Variants in SYTL2 observed in about 807,000 individuals in gnomAD.
The protein encoded by SYTL2 is synaptotagmin like 2, also known as synaptotagmin-like protein 2.
A neutral mutation model predicts 198.7 loss-of-function variants in SYTL2; 165 were observed. The ratio of observed to expected loss-of-function variants is 0.83; its 90% CI spans 0.73 to 0.94. The LOEUF is 0.94. SYTL2 is among the 40% of genes least tolerant of loss of function. The pLI is 0.00. For missense variants in SYTL2, 2,835 were observed against 2,582.8 expected (o/e 1.10, Z -2.12); for synonymous variants, 966 against 917.7 (o/e 1.05, Z -0.95).
At position 85,757,852 on chromosome 11, in the gene SYTL2, A is replaced by C; in HGVS notation, c.-127T>G. 1 of 1,419,242 alleles carries C rather than the reference A, an allele frequency of 7.0e-7. No individual in the cohort carries two copies. The highest frequency in any genetic ancestry group is 9.5e-7 in the Non-Finnish European group (1 of 1,051,212). 87.9% of individuals were successfully genotyped at this position (1,419,242 alleles called of 1,614,324 possible). Reference sequence around the variant, plus strand: ...GAAATATCTTGTTCAGTTCTGCATCAAAGTCTTATTTTGGCTCAGCAAAAG... The same window carrying C: ...GAAATATCTTGTTCAGTTCTGCATCCAAGTCTTATTTTGGCTCAGCAAAAG... On this transcript the variant is annotated 5_prime_UTR_variant, in exon 2 of 20. Transcript: ENST00000359152.
chr11:85,709,561 A>G, intron 13 of SYTL2, 61 bp from the exon 14 acceptor site: 1 of 1,484,714 alleles, frequency 6.7e-7, no homozygotes, highest in Admixed American at 1.7e-5. Flanking sequence ...TAGCACAAGG[A>G]TCATGGATAT....
chr11:85,825,818 TCTAAGA>T, the SYTL2 span, among the ~76,000 whole-genome samples: 2 of 152,244 alleles, frequency 1.3e-5, no homozygotes, highest in Non-Finnish European at 2.9e-5. Flanking sequence ...TCTTAACTTC[TCTAAGA>T]CTGTTTCCTT....
In SYTL2 at chr11:85,791,609, T is replaced by A. The variant is rs1056848560; in HGVS notation, c.-390+19345A>T. Reference sequence around the variant, plus strand: ...AAGTTTTTACCATCTAACTGCCATCTGTTCCCTTTTGTACTACTATCCATT... The same window carrying A: ...AAGTTTTTACCATCTAACTGCCATCAGTTCCCTTTTGTACTACTATCCATT... On this transcript the variant is annotated intron_variant, in intron 1 of 19. Coordinates refer to ENST00000359152, the MANE Select transcript of SYTL2 (RefSeq NM_206927.4). Among the ~76,000 whole-genome samples the A allele has an allele frequency of 1.2e-4, 18 of 152,308 alleles. No individual in the cohort carries two copies. The East Asian group carries it at 1.3e-3, about 11-fold the overall frequency.
the SYTL2 span, among the ~76,000 whole-genome samples, chr11:85,821,042 A>G: frequency 6.6e-6 from 1 of 152,212 alleles, no homozygotes; most frequent in East Asian, 1.9e-4. Flanking sequence ...GTCCTCATGA[A>G]GTGTACTTTC....
intron 4 of SYTL2, among the ~76,000 whole-genome samples, chr11:85,740,541 C>T (rs567827250): frequency 9.7e-4 from 148 of 152,198 alleles, no homozygotes; most frequent in Non-Finnish European, 1.7e-3. Flanking sequence ...TAAGAGAATA[C>T]AGAATAGAGC....
upstream of SYTL2, among the ~76,000 whole-genome samples, chr11:85,814,244 C>T (rs543641152): frequency 1.3e-5 from 2 of 152,174 alleles, no homozygotes. Flanking sequence ...TTTCTGTCAC[C>T]CCTTCCAGAT....
At position 85,707,431 on chromosome 11, in the gene SYTL2, G is replaced by T. The variant is rs142815066; in HGVS notation, c.6016C>A (p.Arg2006=). The change falls in exon 15 of 20, where the codon CGG becomes AGG. Residue 2006 remains arginine, a splice_region_variant and synonymous_variant. Coordinates refer to ENST00000359152, the MANE Select transcript of SYTL2 (RefSeq NM_206927.4). The stretch of plus-strand genomic sequence containing the variant: ...CTATAGAGAGAGTTCATAGATACCC[G>T]CAGTATTTCGTTATACACAGGATTC... ...TLNPVYNEIL[R]YKIEKQILKT... is the part of the protein sequence containing the mutation. 6.2e-7 allele frequency: 1 copy of T among 1,606,302 alleles called. No individual in the cohort carries two copies.
chr11:85,810,037 G>T (rs1004731834), intron 1 of SYTL2, among the ~76,000 whole-genome samples: 36 of 152,224 alleles, frequency 2.4e-4, no homozygotes, highest in African/African-American at 7.2e-4. Context: ...ACGGGAAGCT[G>T]GATGGCAGTT....
At chr11:85,798,132 T>C (rs1235227866) in intron 1 of SYTL2, among the ~76,000 whole-genome samples, 2 of 152,146 alleles carry the variant, frequency 1.3e-5, no homozygotes, top group Admixed American at 6.5e-5. Context: ...GTGCTGGGAT[T>C]ACAGGCGTGA....
the SYTL2 span, among the ~76,000 whole-genome samples, chr11:85,816,532 A>G: frequency 6.6e-6 from 1 of 152,182 alleles, no homozygotes; most frequent in South Asian, 2.1e-4. Context: ...TCAGTGTGGG[A>G]CAATGAGAAA....
At chr11:85,823,344 G>A in the SYTL2 span, among the ~76,000 whole-genome samples, 28 of 152,218 alleles carry the variant, frequency 1.8e-4, no homozygotes, top group East Asian at 3.9e-4. Context: ...ACATGTTGCC[G>A]GCTGACATTC....
the SYTL2 span, among the ~76,000 whole-genome samples, chr11:85,833,373 GAT>G: frequency 8.3e-5 from 12 of 145,344 alleles, no homozygotes; most frequent in African/African-American, 3.0e-4. Flanking sequence ...TGAGATATAT[GAT>G]ATATCTCATA....
chr11:85,759,175 G>A (rs2092011972), intron 1 of SYTL2, among the ~76,000 whole-genome samples: 2 of 151,482 alleles, frequency 1.3e-5, no homozygotes, highest in South Asian at 2.1e-4. Context: ...GAACCCGGGA[G>A]GCGGAGGTTG....
At chr11:85,700,261 A>G (rs1241655229) in intron 17 of SYTL2, among the ~76,000 whole-genome samples, 2 of 152,032 alleles carry the variant, frequency 1.3e-5, no homozygotes, top group Non-Finnish European at 2.9e-5. Context: ...CAGTGTGAAT[A>G]TACTTAGCAC....
intron 2 of SYTL2, among the ~76,000 whole-genome samples, chr11:85,749,344 G>A (rs1005570264): frequency 6.6e-6 from 1 of 152,206 alleles, no homozygotes; most frequent in African/African-American, 2.4e-5. Flanking sequence ...GGAAGATAAT[G>A]TGCTAACATA....
At chr11:85,817,548 A>T in the SYTL2 span, among the ~76,000 whole-genome samples, 1 of 152,238 alleles carries the variant, frequency 6.6e-6, no homozygotes, top group African/African-American at 2.4e-5. Context: ...GAATATTTTA[A>T]ATTAAATATG....
intron 1 of SYTL2, among the ~76,000 whole-genome samples, chr11:85,806,006 G>A (rs939776695): frequency 6.6e-6 from 1 of 152,222 alleles, no homozygotes; most frequent in African/African-American, 2.4e-5. Flanking sequence ...GGTTTTGTAG[G>A]TTGCAGGTAG....
chr11:85,841,884 G>T, the SYTL2 span, among the ~76,000 whole-genome samples: 1 of 152,140 alleles, frequency 6.6e-6, no homozygotes, highest in Admixed American at 6.5e-5. Context: ...ATAACATAGA[G>T]GTTTTATTAC....
Position 85,727,466 on chromosome 11 carries a change from A to G in SYTL2, c.1892T>C (p.Leu631Ser). Residue 631 changes from leucine to serine, a missense_variant, in exon 8 of 20, where the codon TTG (leucine) becomes TCG (serine). Around this residue, in one of 3 missense-constraint regions of SYTL2, gnomAD observed 2,645 missense variants for 2,381.7 expected, o/e 1.11. Coordinates refer to ENST00000359152, the MANE Select transcript of SYTL2 (RefSeq NM_206927.4). ...GGTGCCATAGCTTTCAAATGGTTGC[A>G]ATATACCTGGGCCTTCCTTTGGGGT... ...KGTPKEGPGI[L>S]QPFESYGTPS... 2 of 1,536,076 alleles carry G rather than the reference A, an allele frequency of 1.3e-6. No individual in the cohort carries two copies.
Sources: gnomAD v4.1 joint callset for allele counts (sites outside exome capture counted in the v4.1 genomes callset) on GRCh38, gnomAD v4.1.1 for gene constraint, gnomAD v4.1.1 regional missense constraint, MANE v1.5 for transcripts, NCBI Gene and HGNC (gene_info 2026-07-23, HGNC 2026-07-21) for gene names.